The following MYLK4 variants were observed in gnomAD, a reference collection of about 807,000 sequenced individuals.
The protein encoded by MYLK4 is caMLCK like.
MYLK4 carries 46 observed loss-of-function variants against 48.1 expected under a neutral mutation model. The ratio of observed to expected loss-of-function variants is 0.96; its 90% CI spans 0.75 to 1.22. MYLK4 has a LOEUF of 1.22. Among genes scored for constraint, MYLK4 ranks in the 50% most tolerant of loss-of-function variants. MYLK4 has a pLI of 0.00. For missense variants in MYLK4, 451 were observed against 486.1 expected (o/e 0.93, Z 0.68); for synonymous variants, 170 against 180.8 (o/e 0.94, Z 0.48).
chr6:2,760,167 C>CAATACAGT, the MYLK4 span, among the ~76,000 whole-genome samples: 1 of 151,762 alleles, frequency 6.6e-6, no homozygotes, highest in Non-Finnish European at 1.5e-5. Context: ...AATAAAAAAG[C>CAATACAGT]AATACAGTAT....
Position 2,672,633 on chromosome 6 carries a change from C to T in MYLK4, c.1120-1285G>A, listed in dbSNP as rs1216969139. 6.6e-6 allele frequency among the ~76,000 whole-genome samples: 1 copy of T among 152,166 alleles called. No homozygotes were observed. The highest frequency in any genetic ancestry group is 1.5e-5 in the Non-Finnish European group (1 of 68,028). On this transcript the variant is annotated intron_variant, in intron 11 of 12. Transcript: ENST00000274643. This position sits in a 1 kb window ranked among gnomAD's most constrained non-coding sequence, Gnocchi z 4.3. Reference sequence around the variant, plus strand: ...CTGATTTTGTAGAACCAATATTAATCTAAAAATAAGCCTTCTGGAAAACTT... The same window carrying T: ...CTGATTTTGTAGAACCAATATTAATTTAAAAATAAGCCTTCTGGAAAACTT...
At chr6:2,671,998 T>C (rs1163720424) in intron 11 of MYLK4, among the ~76,000 whole-genome samples, 2 of 152,116 alleles carry the variant, frequency 1.3e-5, no homozygotes, top group Admixed American at 1.3e-4. Context: ...ATTTTTTCAG[T>C]CAAGGTCTGA....
At position 2,685,648 on chromosome 6, in the gene MYLK4, C is replaced by G. The variant is rs2045341584; in HGVS notation, c.342-72G>C. On this transcript the variant is annotated intron_variant, in intron 4 of 12. Coordinates refer to ENST00000274643, the MANE Select transcript of MYLK4 (RefSeq NM_001012418.5). The surrounding 1 kb of genome is among the most constrained non-coding windows in gnomAD (Gnocchi z 4.5). ...GCCGAGTGGACAGCGCACAGTGGCC[C>G]CAGTATTTCTCCTGCTGAGTCTGGA... is the stretch of plus-strand genomic sequence containing the variant. 2 of 1,378,514 alleles carry G rather than the reference C, an allele frequency of 1.5e-6. No individual in the cohort carries two copies. The highest frequency in any genetic ancestry group is 2.1e-6 in the Non-Finnish European group (2 of 973,616). The allele number at this position is 1,378,514 out of a possible 1,614,324, so 85.4% of individuals were successfully genotyped here.
chr6:2,737,981 T>G (rs4959723), intron 2 of MYLK4, among the ~76,000 whole-genome samples: 5,586 of 26,888 alleles, frequency 0.21, 786 homozygotes, highest in South Asian at 0.33. Context: ...CGGGGGCGGG[T>G]GGGGGGGGGG....
At chr6:2,724,387 A>G (rs1763176765) in intron 2 of MYLK4, among the ~76,000 whole-genome samples, 1 of 152,146 alleles carries the variant, frequency 6.6e-6, no homozygotes, top group African/African-American at 2.4e-5. Context: ...GATCTATAGG[A>G]GCTATGAAAG....
the MYLK4 span, among the ~76,000 whole-genome samples, chr6:2,765,182 A>ACCCCCCCCCCC: frequency 6.2e-4 from 45 of 72,908 alleles, 5 homozygotes; most frequent in Admixed American, 9.2e-4. Flanking sequence ...TCGCCTCGCA[A>ACCCCCCCCCCC]CCCCCCCCCC....
intron 4 of MYLK4, 95 bp downstream of exon 4, chr6:2,688,756 T>C: frequency 1.0e-6 from 1 of 953,508 alleles, no homozygotes; most frequent in Non-Finnish European, 1.7e-6. Flanking sequence ...TTTCTAATGT[T>C]TCTAGTTCTC....
chr6:2,758,340 A>T, the MYLK4 span, among the ~76,000 whole-genome samples: 1 of 148,222 alleles, frequency 6.7e-6, no homozygotes. Context: ...CAGGACATAT[A>T]TATTACATAT....
At chr6:2,762,491 A>T in the MYLK4 span, among the ~76,000 whole-genome samples, 1 of 152,166 alleles carries the variant, frequency 6.6e-6, no homozygotes, top group Non-Finnish European at 1.5e-5. Flanking sequence ...GGGTTAATTG[A>T]TCATGTGGCC....
intron 2 of MYLK4, among the ~76,000 whole-genome samples, chr6:2,748,045 C>CAATTTATATACAAT (rs1561886762): frequency 2.6e-5 from 4 of 152,210 alleles, no homozygotes; most frequent in Admixed American, 6.5e-5. Flanking sequence ...TATATACAAT[C>CAATTTATATACAAT]TCTCTATTTC....
At chr6:2,757,502 T>A in the MYLK4 span, among the ~76,000 whole-genome samples, 1 of 152,060 alleles carries the variant, frequency 6.6e-6, no homozygotes, top group Non-Finnish European at 1.5e-5. Context: ...AACAGAGTAG[T>A]ACACAAAATA....
intron 4 of MYLK4, among the ~76,000 whole-genome samples, chr6:2,687,294 G>A (rs553409297): frequency 2.0e-5 from 3 of 152,292 alleles, no homozygotes; most frequent in South Asian, 2.1e-4. Flanking sequence ...AGGCATCCAC[G>A]CACATTTGAT....
At chr6:2,768,152 T>G in the MYLK4 span, among the ~76,000 whole-genome samples, 1 of 152,098 alleles carries the variant, frequency 6.6e-6, no homozygotes, top group Non-Finnish European at 1.5e-5. Context: ...CCTACCAGAG[T>G]GAACATGCAG....
chr6:2,681,148 T>C (rs1196501969), intron 7 of MYLK4, among the ~76,000 whole-genome samples: 1 of 152,174 alleles, frequency 6.6e-6, no homozygotes, highest in Non-Finnish European at 1.5e-5. Flanking sequence ...GTCCCAATTC[T>C]TTACAAGCTG....
chr6:2,681,740 A>G (rs1214747254), intron 7 of MYLK4, among the ~76,000 whole-genome samples: 1 of 152,194 alleles, frequency 6.6e-6, no homozygotes, highest in Non-Finnish European at 1.5e-5. Flanking sequence ...GGACCCATCC[A>G]GCTGTCACCT....
At chr6:2,768,669 C>T in the MYLK4 span, 1 of 1,579,794 alleles carries the variant, frequency 6.3e-7, no homozygotes, top group Non-Finnish European at 8.6e-7. Flanking sequence ...TTTTCAAACT[C>T]CATGTATGTC....
intron 2 of MYLK4, among the ~76,000 whole-genome samples, chr6:2,697,643 T>C (rs1381216183): frequency 6.6e-6 from 1 of 152,216 alleles, no homozygotes; most frequent in Non-Finnish European, 1.5e-5. Flanking sequence ...CTAATCCTTC[T>C]TTCATTCCCA....
the MYLK4 span, among the ~76,000 whole-genome samples, chr6:2,765,202 C>A: frequency 7.9e-6 from 1 of 126,622 alleles, no homozygotes; most frequent in Non-Finnish European, 1.8e-5. Flanking sequence ...CCGCCCCTCC[C>A]CCGCCCCCGC....
chr6:2,768,455 G>GA, the MYLK4 span, among the ~76,000 whole-genome samples: 1 of 152,244 alleles, frequency 6.6e-6, no homozygotes. Flanking sequence ...GGACAGAGGA[G>GA]AAAAGGTCAG....
Sources: allele counts gnomAD v4.1 joint callset (sites outside exome capture counted in the v4.1 genomes callset), GRCh38; gene constraint gnomAD v4.1.1; non-coding constraint Gnocchi (gnomAD v3.1); transcripts MANE v1.5; gene names NCBI Gene and HGNC (gene_info 2026-07-23, HGNC 2026-07-21).